Variants in CORO2B observed in about 807,000 individuals in gnomAD.
CORO2B encodes coronin 2B, also known as coronin-2B.
A neutral mutation model predicts 58.8 loss-of-function variants in CORO2B; 26 were observed. That is an observed-to-expected ratio of 0.44 (90% CI 0.32 to 0.61). CORO2B has a LOEUF of 0.61. CORO2B is among the 20% of genes least tolerant of loss of function. The probability of loss-of-function intolerance (pLI) is 0.04; values close to 1 mark genes in which losing one functional copy is unlikely to be tolerated. For synonymous variants in CORO2B, 242 were observed against 253.8 expected (o/e 0.95, Z 0.44); for missense variants, 460 against 645.1 (o/e 0.71, Z 3.11).
intron 3 of CORO2B, among the ~76,000 whole-genome samples, chr15:68,696,808 A>G (rs1015262092): frequency 3.5e-4 from 53 of 152,182 alleles, no homozygotes; most frequent in African/African-American, 1.2e-3. Context: ...TTCCCAGATG[A>G]AGGAGGATCA....
the CORO2B span, among the ~76,000 whole-genome samples, chr15:68,536,293 T>G: frequency 6.6e-6 from 1 of 152,214 alleles, no homozygotes; most frequent in African/African-American, 2.4e-5. Flanking sequence ...AGAAATCTCA[T>G]ATATTTCTGG....
Position 68,612,843 on chromosome 15 carries a change from G to A in CORO2B, c.16-32317G>A, listed in dbSNP as rs1372242063. Among the ~76,000 whole-genome samples, 9 of 152,326 alleles carry A rather than the reference G, an allele frequency of 5.9e-5. 1 individual carries two copies. The highest frequency in any genetic ancestry group is 5.9e-4 in the Admixed American group (9 of 15,298). On this transcript the variant is annotated intron_variant, in intron 1 of 11. Transcript: ENST00000261861. Reference sequence around the variant, plus strand: ...TGGGAGTTCCCAGCAGTTGGGGAGAGAAAGGTGACAGTATCTGGTTTGTAA... The same window carrying A: ...TGGGAGTTCCCAGCAGTTGGGGAGAAAAAGGTGACAGTATCTGGTTTGTAA...
chr15:68,699,089 G>A (rs1438591798), intron 3 of CORO2B, among the ~76,000 whole-genome samples: 1 of 152,184 alleles, frequency 6.6e-6, no homozygotes, highest in Admixed American at 6.5e-5. Context: ...TATCCGGTGT[G>A]CTTGGCCTGG....
At chr15:68,592,226 T>C (rs1369620951) in intron 1 of CORO2B, among the ~76,000 whole-genome samples, 1 of 152,236 alleles carries the variant, frequency 6.6e-6, no homozygotes, top group Admixed American at 6.5e-5. Flanking sequence ...CTTGCTTGCT[T>C]GGAGGAGGTC....
intron 1 of CORO2B, among the ~76,000 whole-genome samples, chr15:68,612,779 A>C (rs1023665035): frequency 2.6e-5 from 4 of 152,230 alleles, no homozygotes; most frequent in African/African-American, 9.6e-5. Context: ...TGGGGCAGGA[A>C]GATCTTTAGG....
At chr15:68,670,662 C>G (rs1902361524) in intron 2 of CORO2B, among the ~76,000 whole-genome samples, 1 of 152,118 alleles carries the variant, frequency 6.6e-6, no homozygotes, top group South Asian at 2.1e-4. Flanking sequence ...CTCATAGAAT[C>G]AGAAGATTCA....
intron 2 of CORO2B, among the ~76,000 whole-genome samples, chr15:68,654,087 G>T (rs2140280590): frequency 6.6e-6 from 1 of 152,348 alleles, no homozygotes; most frequent in South Asian, 2.1e-4. Context: ...TGCTCTCAAA[G>T]AGAAAAGTCG....
the CORO2B span, among the ~76,000 whole-genome samples, chr15:68,536,717 A>G: frequency 6.6e-6 from 1 of 152,254 alleles, no homozygotes; most frequent in African/African-American, 2.4e-5. Flanking sequence ...CTGAATAAAA[A>G]CTGAAATAAA....
chr15:68,625,303 A>G (rs1477826568), intron 1 of CORO2B, among the ~76,000 whole-genome samples: 1 of 148,644 alleles, frequency 6.7e-6, no homozygotes, highest in East Asian at 1.9e-4. Context: ...TTCGAGGTAT[A>G]ATTTACATGC....
intron 1 of CORO2B, among the ~76,000 whole-genome samples, chr15:68,625,480 T>C (rs1337645150): frequency 6.6e-6 from 1 of 152,162 alleles, no homozygotes; most frequent in African/African-American, 2.4e-5. Context: ...CTTGCCAGCA[T>C]TCATCCGTGT....
rs1901379704 is a variant in CORO2B at position 68,645,117 on chromosome 15, C to T, written c.16-43C>T. The T allele has an allele frequency of 6.3e-7, 1 of 1,595,590 alleles. No homozygotes were observed. The highest frequency in any genetic ancestry group is 2.3e-5 in the East Asian group (1 of 44,304). ...AGAGCCCAGCCGAGGCCCTTCATGG[C>T]ACAGGGCCCAGCCTGACCCTTGTCT... On this transcript the variant is annotated intron_variant, in intron 1 of 11. Coordinates refer to ENST00000261861, the MANE Select transcript of CORO2B (RefSeq NM_006091.5). The surrounding 1 kb of genome is among the most constrained non-coding windows in gnomAD (Gnocchi z 4.5).
At chr15:68,575,583 G>GCCCCCC (rs1423253475), upstream of CORO2B, among the ~76,000 whole-genome samples, 38 of 55,956 alleles carry the variant, frequency 6.8e-4, 10 homozygotes, top group Non-Finnish European at 1.0e-3. Flanking sequence ...ATCTGCCCCC[G>GCCCCCC]CCTCGGCCTC....
In CORO2B at chr15:68,726,037, T is replaced by C. The variant is rs570560801; in HGVS notation, c.*63T>C. On this transcript the variant is annotated 3_prime_UTR_variant, in exon 12 of 12. Coordinates refer to ENST00000261861, the MANE Select transcript of CORO2B (RefSeq NM_006091.5). ...TCGTTTCTACTCATCCCTTAACTTC[T>C]CCCTTACCAGTGACCCCAGAGACAG... is the stretch of plus-strand genomic sequence containing the variant. 30 of 1,595,320 alleles carry C rather than the reference T, an allele frequency of 1.9e-5. No homozygotes were observed. The African/African-American group carries it at 4.0e-4, about 21-fold the overall frequency.
intron 3 of CORO2B, among the ~76,000 whole-genome samples, chr15:68,700,809 AG>A (rs1892624277): frequency 1.3e-5 from 2 of 152,110 alleles, no homozygotes; most frequent in African/African-American, 2.4e-5. Flanking sequence ...CCGCGGAGAG[AG>A]AGAGAGGTTT....
chr15:68,725,440 T>A (rs1407100084), intron 11 of CORO2B, among the ~76,000 whole-genome samples: 2 of 151,950 alleles, frequency 1.3e-5, no homozygotes, highest in Non-Finnish European at 2.9e-5. Flanking sequence ...AATACATCTA[T>A]TATGTATTAT....
chr15:68,651,394 G>T (rs1178146891), intron 2 of CORO2B, among the ~76,000 whole-genome samples: 1 of 152,194 alleles, frequency 6.6e-6, no homozygotes, highest in African/African-American at 2.4e-5. Context: ...TGGAGATGTT[G>T]TTCCACACTA....
chr15:68,574,501 A>G (rs1899242069), upstream of CORO2B, among the ~76,000 whole-genome samples: 2 of 152,188 alleles, frequency 1.3e-5, no homozygotes, highest in Admixed American at 1.3e-4. Flanking sequence ...CACTCGGTAC[A>G]GGGCCTGGGC....
At position 68,645,351 on chromosome 15, in the gene CORO2B, C is replaced by T. The variant is rs907313277; in HGVS notation, c.207C>T (p.Pro69=). 3 of 1,611,074 alleles carry T rather than the reference C, an allele frequency of 1.9e-6. No homozygotes were observed. The highest frequency in any genetic ancestry group is 4.5e-5 in the East Asian group (2 of 44,866). The change falls in exon 2 of 12, where the codon CCC becomes CCT. Residue 69 remains proline (P), a synonymous_variant. Transcript: ENST00000261861. This position sits in a 1 kb window ranked among gnomAD's most constrained non-coding sequence, Gnocchi z 4.5. The stretch of plus-strand genomic sequence containing the variant: ...GGGGCGGCTCCTTCCTCGTCATCCC[C>T]CTGGAGCAGGTAGGTGGCCCCTACC... ...SAGGGSFLVI[P]LEQTGRIEPN...
intron 1 of CORO2B, among the ~76,000 whole-genome samples, chr15:68,619,414 T>C (rs1460362697): frequency 1.3e-5 from 2 of 152,186 alleles, no homozygotes; most frequent in African/African-American, 2.4e-5. Flanking sequence ...GCATTTTTTG[T>C]GTGTGCAAGA....
Sources: allele counts gnomAD v4.1 joint callset (sites outside exome capture counted in the v4.1 genomes callset), GRCh38; gene constraint gnomAD v4.1.1; non-coding constraint Gnocchi (gnomAD v3.1); transcripts MANE v1.5; gene names NCBI Gene and HGNC (gene_info 2026-07-23, HGNC 2026-07-21).